CPAP: variants seen among roughly 807,000 people sequenced by gnomAD.
CPAP encodes the protein centrosome assembly and centriole elongation protein, also known as centrosomal P4.1-associated protein.
chr13:24,912,076 A>G, the CPAP span: 5 of 1,611,980 alleles, frequency 3.1e-6, no homozygotes, highest in Non-Finnish European at 4.2e-6. Context: ...TCAGCTTTTT[A>G]AATACAAAAT....
chr13:24,922,925 G>T, the CPAP span: 1 of 152,342 alleles, frequency 6.6e-6, no homozygotes, highest in Non-Finnish European at 1.5e-5. Flanking sequence ...TAAAGCGCAG[G>T]CACCGCTGAG....
chr13:24,885,852 T>C, the CPAP span: 1 of 599,184 alleles, frequency 1.7e-6, no homozygotes, highest in Non-Finnish European at 3.0e-6. Flanking sequence ...AAGTCCTAGA[T>C]GTCCAAGAAA....
the CPAP span, among the ~76,000 whole-genome samples, chr13:24,890,429 C>T: frequency 0.039 from 5,897 of 152,194 alleles, 165 homozygotes; most frequent in Middle Eastern, 0.13. Flanking sequence ...CATGGCCCTA[C>T]GGGTCCTCGA....
the CPAP span, among the ~76,000 whole-genome samples, chr13:24,926,238 T>G: frequency 6.6e-6 from 1 of 152,128 alleles, no homozygotes; most frequent in South Asian, 2.1e-4. Context: ...TTTGAGGGAA[T>G]TTTCAACCTA....
chr13:24,887,099 G>A, the CPAP span, among the ~76,000 whole-genome samples: 4 of 152,142 alleles, frequency 2.6e-5, no homozygotes. Flanking sequence ...TACTAGGGGA[G>A]GGATGTTTAT....
At chr13:24,922,373 G>C in the CPAP span, among the ~76,000 whole-genome samples, 4 of 152,226 alleles carry the variant, frequency 2.6e-5, no homozygotes, top group Non-Finnish European at 5.9e-5. Context: ...GAAGCTTCAA[G>C]AGAGAAGCCC....
the CPAP span, chr13:24,924,626 T>C: frequency 1.3e-5 from 2 of 152,238 alleles, no homozygotes; most frequent in Admixed American, 6.5e-5. Flanking sequence ...GTGGTTCCTA[T>C]CCTTGTTGCA....
the CPAP span, among the ~76,000 whole-genome samples, chr13:24,915,416 G>A: frequency 6.6e-6 from 1 of 152,190 alleles, no homozygotes; most frequent in Admixed American, 6.5e-5. Context: ...AGAGGCCAAG[G>A]CTGTGAAGCA....
chr13:24,915,086 AAT>A, the CPAP span, among the ~76,000 whole-genome samples: 3 of 151,944 alleles, frequency 2.0e-5, no homozygotes, highest in Non-Finnish European at 4.4e-5. Flanking sequence ...AAAAATAATT[AAT>A]TAATTAATTA....
chr13:24,887,096 G>A, the CPAP span, among the ~76,000 whole-genome samples: 1 of 152,126 alleles, frequency 6.6e-6, no homozygotes, highest in Non-Finnish European at 1.5e-5. Flanking sequence ...AGATACTAGG[G>A]GAGGGATGTT....
chr13:24,902,506 C>A, the CPAP span, among the ~76,000 whole-genome samples: 1 of 152,172 alleles, frequency 6.6e-6, no homozygotes, highest in East Asian at 1.9e-4. Flanking sequence ...TTTAAGCATA[C>A]TGCAGATTAT....
the CPAP span, among the ~76,000 whole-genome samples, chr13:24,894,788 G>A: frequency 6.6e-6 from 1 of 152,090 alleles, no homozygotes; most frequent in Non-Finnish European, 1.5e-5. Context: ...ACGCCCTCGG[G>A]GTGCAAAGGG....
the CPAP span, among the ~76,000 whole-genome samples, chr13:24,923,069 C>T: frequency 2.0e-5 from 3 of 152,218 alleles, no homozygotes; most frequent in Non-Finnish European, 4.4e-5. Flanking sequence ...GGCGGAAAAC[C>T]GTTTCCGGGA....
the CPAP span, among the ~76,000 whole-genome samples, chr13:24,883,605 T>A: frequency 6.6e-6 from 1 of 152,172 alleles, no homozygotes; most frequent in Non-Finnish European, 1.5e-5. Context: ...CTTAGTAACT[T>A]TTTTCAACTT....
chr13:24,883,417 A>AAAT, the CPAP span: 71 of 1,429,694 alleles, frequency 5.0e-5, no homozygotes, highest in South Asian at 6.8e-4. Context: ...AAATAATAGA[A>AAAT]AATAAACAAC....
At chr13:24,886,052 T>A in the CPAP span, 5 of 364,112 alleles carry the variant, frequency 1.4e-5, no homozygotes, top group African/African-American at 1.1e-4. Context: ...CCCTTGTGGC[T>A]ATGGTATAAA....
the CPAP span, chr13:24,905,664 C>CTTA: frequency 1.1e-5 from 17 of 1,614,188 alleles, no homozygotes; most frequent in Middle Eastern, 1.6e-4. Context: ...TCATCAAAGT[C>CTTA]CATTTTACTC....
chr13:24,912,717 T>G, the CPAP span: 5 of 1,614,222 alleles, frequency 3.1e-6, no homozygotes, highest in Middle Eastern at 1.6e-4. Context: ...GTGGTCCCTT[T>G]TTAATGCAAG....
At chr13:24,931,109 C>T in the CPAP span, among the ~76,000 whole-genome samples, 1 of 151,742 alleles carries the variant, frequency 6.6e-6, no homozygotes, top group Non-Finnish European at 1.5e-5. Flanking sequence ...TTGCATATTC[C>T]CTATTTGTTT....
Sources: gnomAD v4.1 joint callset for allele counts (sites outside exome capture counted in the v4.1 genomes callset) on GRCh38, gnomAD v4.1.1 for gene constraint, MANE v1.5 for transcripts, NCBI Gene and HGNC (gene_info 2026-07-23, HGNC 2026-07-21) for gene names.